SNTG2: variants seen among roughly 807,000 people sequenced by gnomAD.
The protein encoded by SNTG2 is gamma-2-syntrophin.
In SNTG2, 74 loss-of-function variants were observed where a neutral mutation model predicts 70.9. The observed-to-expected ratio is 1.04, with a 90% confidence interval of 0.86 to 1.27. The LOEUF (loss-of-function observed/expected upper bound fraction) is 1.27. Ranked by LOEUF, SNTG2 falls within the 50% of genes most tolerant of loss-of-function variation. The pLI is 0.00. For missense variants in SNTG2, 717 were observed against 690.7 expected, an observed-to-expected ratio of 1.04 and a Z score of -0.43; for synonymous variants, 278 against 273.8, an observed-to-expected ratio of 1.02 and a Z score of -0.15.
At chr2:1,146,590 T>C (rs114669165) in intron 6 of SNTG2, among the ~76,000 whole-genome samples, 5 of 152,164 alleles carry the variant, frequency 3.3e-5, no homozygotes, top group African/African-American at 1.2e-4. Context: ...GAATAGCCAA[T>C]GCAGTATTGA....
chr2:1,349,920 C>A (rs190917605), intron 16 of SNTG2, among the ~76,000 whole-genome samples: 1 of 152,208 alleles, frequency 6.6e-6, no homozygotes, highest in Admixed American at 6.5e-5. Context: ...CACAGCCCGC[C>A]CAGGCTCAGG....
intron 14 of SNTG2, among the ~76,000 whole-genome samples, chr2:1,299,578 G>A (rs988673351): frequency 6.6e-6 from 1 of 152,116 alleles, no homozygotes; most frequent in African/African-American, 2.4e-5. Flanking sequence ...GCCTCACCTT[G>A]GTCTCTTCTG....
chr2:1,002,011 T>C (rs1377016420), intron 1 of SNTG2, among the ~76,000 whole-genome samples: 1 of 151,880 alleles, frequency 6.6e-6, no homozygotes. Context: ...CACACACTAA[T>C]GTAAGGATAC....
intron 1 of SNTG2, among the ~76,000 whole-genome samples, chr2:974,379 C>T (rs576896922): frequency 6.6e-6 from 1 of 152,338 alleles, no homozygotes; most frequent in African/African-American, 2.4e-5. Context: ...GGAAGCTGCA[C>T]CCGTTACCTG....
chr2:1,165,868 G>A (rs1356455468), intron 7 of SNTG2, among the ~76,000 whole-genome samples: 1 of 152,154 alleles, frequency 6.6e-6, no homozygotes, highest in East Asian at 1.9e-4. Context: ...CTTCTCGACT[G>A]TGCTTCTCGT....
At chr2:1,072,793 C>T (rs781503745) in intron 1 of SNTG2, among the ~76,000 whole-genome samples, 1 of 152,134 alleles carries the variant, frequency 6.6e-6, no homozygotes, top group Non-Finnish European at 1.5e-5. Context: ...CTAGATGCCA[C>T]TAAGTACACT....
At chr2:1,035,801 G>GT (rs1661096626) in intron 1 of SNTG2, among the ~76,000 whole-genome samples, 1 of 152,052 alleles carries the variant, frequency 6.6e-6, no homozygotes, top group African/African-American at 2.4e-5. Flanking sequence ...TCTTCAGTGT[G>GT]TTTTTGTTTT....
At chr2:976,366 T>A (rs1287986122) in intron 1 of SNTG2, among the ~76,000 whole-genome samples, 1 of 152,184 alleles carries the variant, frequency 6.6e-6, no homozygotes, top group Non-Finnish European at 1.5e-5. Context: ...GATGTTGTGA[T>A]GAGCTTGAGT....
intron 4 of SNTG2, among the ~76,000 whole-genome samples, chr2:1,134,578 G>A (rs561186822): frequency 6.6e-6 from 1 of 152,278 alleles, no homozygotes; most frequent in East Asian, 1.9e-4. Context: ...TAGATACAGA[G>A]TGCCGATTGG....
In SNTG2 at chr2:1,097,312, C is replaced by T; in HGVS notation, c.211-884C>T. On this transcript the variant is annotated intron_variant, in intron 2 of 16. Coordinates refer to ENST00000308624, the MANE Select transcript of SNTG2 (RefSeq NM_018968.4). The surrounding 1 kb of genome is among the most constrained non-coding windows in gnomAD (Gnocchi z 4.1). ...CGGCGTGGGCTCTGCCACCCTTTTA[C>T]TTCTTTGTCCTTGCTTTGCACAGCA... Among the ~76,000 whole-genome samples, 1 of 151,632 alleles carries T rather than the reference C, an allele frequency of 6.6e-6. No individual in the cohort carries two copies. The highest frequency in any genetic ancestry group is 2.1e-4 in the South Asian group (1 of 4,828).
chr2:1,268,410 C>T (rs1678860577), intron 14 of SNTG2, among the ~76,000 whole-genome samples: 2 of 152,178 alleles, frequency 1.3e-5, no homozygotes, highest in South Asian at 4.1e-4. Context: ...ATCCAGGCTC[C>T]TTGGCATGCC....
chr2:1,209,866 TTC>T (rs754517645), intron 9 of SNTG2, among the ~76,000 whole-genome samples: 9 of 148,500 alleles, frequency 6.1e-5, no homozygotes, highest in Non-Finnish European at 1.2e-4. Context: ...ATAGCAAACC[TTC>T]TGTCAGCAAA....
chr2:991,386 C>CACACACAT (rs1661487018), intron 1 of SNTG2, among the ~76,000 whole-genome samples: 1 of 151,648 alleles, frequency 6.6e-6, no homozygotes, highest in Non-Finnish European at 1.5e-5. Context: ...CACACACACA[C>CACACACAT]ACACACACAC....
At chr2:1,156,342 C>T (rs763692706) in intron 6 of SNTG2, among the ~76,000 whole-genome samples, 1 of 152,046 alleles carries the variant, frequency 6.6e-6, no homozygotes, top group Non-Finnish European at 1.5e-5. Context: ...GCCTCAGACA[C>T]GGCAAGTCGG....
At chr2:1,057,516 A>G (rs1662540987) in intron 1 of SNTG2, among the ~76,000 whole-genome samples, 1 of 152,192 alleles carries the variant, frequency 6.6e-6, no homozygotes, top group Admixed American at 6.5e-5. Context: ...GGAAGCATCC[A>G]GTGCGGGAGA....
intron 1 of SNTG2, among the ~76,000 whole-genome samples, chr2:1,048,630 A>C (rs1186528838): frequency 6.6e-6 from 1 of 152,112 alleles, no homozygotes; most frequent in East Asian, 1.9e-4. Flanking sequence ...ATGACACTTT[A>C]AACATCCTTT....
At chr2:1,162,336 G>A (rs1385712092) in intron 6 of SNTG2, among the ~76,000 whole-genome samples, 2 of 152,094 alleles carry the variant, frequency 1.3e-5, no homozygotes, top group Admixed American at 6.6e-5. Context: ...AGGACTTCAG[G>A]CACACTGGCT....
chr2:1,140,570 G>T (rs1668681085), intron 6 of SNTG2, among the ~76,000 whole-genome samples: 1 of 152,248 alleles, frequency 6.6e-6, no homozygotes, highest in Non-Finnish European at 1.5e-5. Context: ...GCTCTGGGAG[G>T]TGGTGGGCTG....
At chr2:1,297,828 T>C (rs1296200619) in intron 14 of SNTG2, among the ~76,000 whole-genome samples, 4 of 152,186 alleles carry the variant, frequency 2.6e-5, no homozygotes, top group African/African-American at 7.2e-5. Context: ...CCTAGGAGAC[T>C]CCATCTCACA....
Sources: allele counts gnomAD v4.1 joint callset (sites outside exome capture counted in the v4.1 genomes callset), GRCh38; gene constraint gnomAD v4.1.1; non-coding constraint Gnocchi (gnomAD v3.1); transcripts MANE v1.5; gene names NCBI Gene and HGNC (gene_info 2026-07-23, HGNC 2026-07-21).